Variants in UVSSA observed in about 807,000 individuals in gnomAD.
UVSSA encodes the protein UV stimulated scaffold protein A, also known as UV-stimulated scaffold protein A.
In UVSSA, 72 loss-of-function variants were observed where a neutral mutation model predicts 73.9. The ratio of observed to expected loss-of-function variants is 0.97; its 90% CI spans 0.81 to 1.19. The LOEUF (loss-of-function observed/expected upper bound fraction) is 1.19, where lower values mean the gene tolerates loss of function less well. UVSSA is among the 50% of genes most tolerant of loss of function. The probability of loss-of-function intolerance (pLI) is 0.00; values close to 1 mark genes in which losing one functional copy is unlikely to be tolerated. For synonymous variants in UVSSA, 454 were observed against 391.3 expected (o/e 1.16, Z -1.89); for missense variants, 1,150 against 965.0 (o/e 1.19, Z -2.54).
chr4:1,392,517 C>A (rs1388481105), downstream of UVSSA: 1 of 152,170 alleles, frequency 6.6e-6, no homozygotes, highest in Non-Finnish European at 1.5e-5. Context: ...TGTAATTTTT[C>A]CTTCTCTTCT....
intron 5 of UVSSA, 115 bp from the exon 6 acceptor site, chr4:1,354,620 C>T (rs897332360): frequency 1.9e-5 from 16 of 820,766 alleles, no homozygotes; most frequent in East Asian, 2.7e-5. Flanking sequence ...CAGGCATGGG[C>T]GTCTGGCAGG....
chr4:1,351,194 T>C (rs11947853), intron 3 of UVSSA, among the ~76,000 whole-genome samples: 2,486 of 151,514 alleles, frequency 0.016, 61 homozygotes, highest in African/African-American at 0.055. Flanking sequence ...GCCTCCCAAG[T>C]AGCTGGGACT....
At chr4:1,363,718 C>T (rs909923420) in intron 7 of UVSSA, among the ~76,000 whole-genome samples, 18 of 152,186 alleles carry the variant, frequency 1.2e-4, no homozygotes, top group South Asian at 2.1e-4. Context: ...CGTGATGGAT[C>T]GCCATCATTT....
Position 1,380,207 on chromosome 4 carries a change from T to C in UVSSA, c.1729T>C (p.Cys577Arg). 1.9e-6 allele frequency: 3 copies of C among 1,612,322 alleles called. No homozygotes were observed. Among genetic ancestry groups the C allele is most frequent in the Non-Finnish European group, 2.5e-6 (3 of 1,179,680 alleles). Residue 577 changes from cysteine (C) to arginine (R), a missense_variant, in exon 11 of 14, where the codon TGT (cysteine) becomes CGT (arginine). Coordinates refer to ENST00000389851, the MANE Select transcript of UVSSA (RefSeq NM_020894.4). ...CRAPRPDGRL[C>R]ERQDRLKCPF... ...TGCCCCGAGGCCAGACGGCCGGCTC[T>C]GTGAGCGCCAAGACCGGCTGAAGGT...
chr4:1,365,965 A>G (rs751781588), intron 7 of UVSSA: 7 of 172,260 alleles, frequency 4.1e-5, no homozygotes, highest in Non-Finnish European at 8.7e-5. Flanking sequence ...TGGTGGGAAG[A>G]TAACTCCCCT....
At chr4:1,377,437 G>T (rs1438888537) in intron 10 of UVSSA, among the ~76,000 whole-genome samples, 1 of 152,202 alleles carries the variant, frequency 6.6e-6, no homozygotes, top group East Asian at 1.9e-4. Flanking sequence ...CCAGATTAGG[G>T]ACAGTGTGAG....
chr4:1,375,189 C>T, intron 8 of UVSSA, 175 bp from the exon 9 acceptor site: 1 of 1,043,464 alleles, frequency 9.6e-7, no homozygotes, highest in South Asian at 1.5e-5. Flanking sequence ...GTGGCCTGAG[C>T]TGCTGCTCCG....
At position 1,349,787 on chromosome 4, in the gene UVSSA, A is replaced by T; in HGVS notation, c.362A>T (p.Asn121Ile). Residue 121 changes from asparagine to isoleucine, a missense_variant, in exon 3 of 14, where the codon AAT (asparagine) becomes ATT (isoleucine). Coordinates refer to ENST00000389851, the MANE Select transcript of UVSSA (RefSeq NM_020894.4). ...QATTRAVEGW[N>I]EKFGEAYKKL... ...ACCACCCGGGCCGTGGAAGGGTGGAATGAGAAGTTTGGGGAGGCCTACAAG... is the reference window on the plus strand; with the variant it reads ...ACCACCCGGGCCGTGGAAGGGTGGATTGAGAAGTTTGGGGAGGCCTACAAG... 6.2e-7 allele frequency: 1 copy of T among 1,601,464 alleles called. No individual in the cohort carries two copies. The highest frequency in any genetic ancestry group is 1.1e-5 in the South Asian group (1 of 90,226).
At position 1,347,600 on chromosome 4, in the gene UVSSA, A is replaced by G. The variant is rs1355925403; in HGVS notation, c.-163A>G. 1.3e-5 allele frequency: 2 copies of G among 153,208 alleles called. No homozygotes were observed. The highest frequency in any genetic ancestry group is 1.9e-4 in the East Asian group (1 of 5,192). The allele number at this position is 153,208 out of a possible 1,614,324, so 9.5% of individuals were successfully genotyped here. A position where few individuals can be genotyped will look rare whatever the true frequency, so the allele number is the denominator to read the frequency against. ...TGGCGGTGCGGCAGGCCCTCGCCTC[A>G]TCCCACCAGGCACGCCGCGGTGCTC... On this transcript the variant is annotated 5_prime_UTR_variant, in exon 1 of 14. Transcript: ENST00000389851.
intron 8 of UVSSA, 80 bp downstream of exon 8, chr4:1,366,511 C>T (rs1191409688): frequency 4.8e-6 from 5 of 1,034,946 alleles, no homozygotes; most frequent in Non-Finnish European, 7.1e-6. Flanking sequence ...GTCATGACCT[C>T]AGGGGCAGGG....
chr4:1,354,902 A>AT, intron 6 of UVSSA, 55 bp downstream of exon 6: 5 of 1,196,438 alleles, frequency 4.2e-6, no homozygotes, highest in Admixed American at 2.2e-5. Flanking sequence ...AGTGCCATGC[A>AT]TGGGGGGGGT....
downstream of UVSSA, chr4:1,392,921 C>G (rs1720440372): frequency 6.6e-6 from 1 of 152,238 alleles, no homozygotes; most frequent in South Asian, 2.1e-4. Flanking sequence ...CAGTAACTCT[C>G]ATGGTTCTGC....
rs116475969 is a variant in UVSSA at position 1,386,277 on chromosome 4, G to A, written c.*316G>A. ...CTTGTCGTGGTGTGGGGTTCAGCAC[G>A]GACGGAATGTGTGTGCAGCTCAGCC... On this transcript the variant is annotated 3_prime_UTR_variant, in exon 14 of 14. Coordinates refer to ENST00000389851, the MANE Select transcript of UVSSA (RefSeq NM_020894.4). The A allele has an allele frequency of 3.2e-3, 988 of 306,996 alleles. 7 individuals carry two copies. The highest frequency in any genetic ancestry group is 0.02 in the African/African-American group (923 of 46,984). The allele number at this position is 306,996 out of a possible 1,614,324, so 19.0% of individuals were successfully genotyped here.
intron 4 of UVSSA, 85 bp from the exon 5 acceptor site, chr4:1,352,945 G>C: frequency 6.6e-7 from 1 of 1,515,612 alleles, no homozygotes; most frequent in Non-Finnish European, 8.9e-7. Flanking sequence ...ACCCTGCGGG[G>C]AGTGGGCCTC....
At chr4:1,395,459 T>TGTGG in exon 14 of UVSSA, 2 of 1,310,588 alleles carry the variant, frequency 1.5e-6, no homozygotes, top group Non-Finnish European at 2.0e-6. Flanking sequence ...CACGTGCCCA[T>TGTGG]ATGGAGTGCC....
At chr4:1,382,623 C>A (rs1054858039) in intron 12 of UVSSA, among the ~76,000 whole-genome samples, 3 of 152,224 alleles carry the variant, frequency 2.0e-5, no homozygotes, top group Admixed American at 2.0e-4. Flanking sequence ...TCACCGGGTT[C>A]CTAAACTGTG....
intron 7 of UVSSA, among the ~76,000 whole-genome samples, chr4:1,361,493 C>T (rs574537919): frequency 5.2e-5 from 8 of 152,398 alleles, no homozygotes; most frequent in African/African-American, 1.9e-4. Context: ...GAGGTGAGGA[C>T]ACGCCTATGG....
chr4:1,394,236 C>A, exon 14 of UVSSA: 1 of 630,388 alleles, frequency 1.6e-6, no homozygotes, highest in South Asian at 2.0e-5. Context: ...TTCTCAGCGG[C>A]CACTGTGGGC....
In UVSSA at chr4:1,349,508, C is replaced by T; in HGVS notation, c.99-16C>T. 2 of 1,608,506 alleles carry T rather than the reference C, an allele frequency of 1.2e-6. No homozygotes were observed. The highest frequency in any genetic ancestry group is 2.2e-5 in the South Asian group (2 of 90,888). On this transcript the variant is annotated splice_polypyrimidine_tract_variant and intron_variant, in intron 2 of 13. Transcript: ENST00000389851. ...TGCGTGTGGGGCAGTTGGGTCAGGC[C>T]AGCTCGCATCCCCAGGTCTTCAGAG...
Sources: allele counts gnomAD v4.1 joint callset (sites outside exome capture counted in the v4.1 genomes callset), GRCh38; gene constraint gnomAD v4.1.1; transcripts MANE v1.5; gene names NCBI Gene and HGNC (gene_info 2026-07-23, HGNC 2026-07-21).